Variants in RBPJ observed in about 807,000 individuals in gnomAD.
RBPJ encodes the protein recombination signal binding protein for immunoglobulin kappa J region, also known as recombining binding protein suppressor of hairless.
RBPJ carries 9 observed loss-of-function variants against 67.8 expected under a neutral mutation model. That is an observed-to-expected ratio of 0.13 (90% CI 0.08 to 0.23). The LOEUF (loss-of-function observed/expected upper bound fraction) is 0.23. Among genes scored for constraint, RBPJ ranks in the 10% least tolerant of loss-of-function variants. RBPJ has a pLI of 1.00. For synonymous variants in RBPJ, 198 were observed against 203.3 expected (o/e 0.97, Z 0.22); for missense variants, 305 against 595.6 (o/e 0.51, Z 5.08).
intron 1 of RBPJ, among the ~76,000 whole-genome samples, chr4:26,250,313 G>T (rs1720066724): frequency 6.7e-6 from 1 of 148,330 alleles, no homozygotes. Flanking sequence ...TTGTAGCATA[G>T]ATCAGACTCC....
intron 1 of RBPJ, among the ~76,000 whole-genome samples, chr4:26,256,659 T>C (rs2109244986): frequency 6.6e-6 from 1 of 152,278 alleles, no homozygotes; most frequent in African/African-American, 2.4e-5. Flanking sequence ...AGGAAATTTC[T>C]TCCATAGCTA....
intron 1 of RBPJ, among the ~76,000 whole-genome samples, chr4:26,191,581 C>A (rs562267941): frequency 6.6e-6 from 1 of 152,248 alleles, no homozygotes; most frequent in African/African-American, 2.4e-5. Flanking sequence ...GTGCAGGGAG[C>A]AAAGTCCAGA....
chr4:26,307,940 G>A (rs1198214751), intron 1 of RBPJ, among the ~76,000 whole-genome samples: 1 of 152,098 alleles, frequency 6.6e-6, no homozygotes, highest in African/African-American at 2.4e-5. Flanking sequence ...AGGATAATAC[G>A]AGTTATAATA....
intron 1 of RBPJ, among the ~76,000 whole-genome samples, chr4:26,341,631 A>AC (rs1560279076): frequency 1.3e-5 from 2 of 151,786 alleles, no homozygotes; most frequent in African/African-American, 4.9e-5. Flanking sequence ...AACAAAACAA[A>AC]ACAAAAAAAA....
chr4:26,202,705 C>A (rs1718021212), intron 1 of RBPJ, among the ~76,000 whole-genome samples: 1 of 151,934 alleles, frequency 6.6e-6, no homozygotes, highest in Admixed American at 6.6e-5. Context: ...GGCAGTAGTT[C>A]AAGACCAGCC....
chr4:26,283,480 G>C (rs1024997002), intron 1 of RBPJ, among the ~76,000 whole-genome samples: 5 of 151,224 alleles, frequency 3.3e-5, no homozygotes, highest in Non-Finnish European at 7.4e-5. Context: ...GGGAGGCGGA[G>C]GTTGAAGTGA....
Position 26,432,236 on chromosome 4 carries a change from T to C in RBPJ, c.*1229T>C, listed in dbSNP as rs936431167. ...AAGCATGTTTTATTATCTTTACTTT[T>C]TTGGGGGGTTGGAGGGGGTAGCCTA... On this transcript the variant is annotated 3_prime_UTR_variant, in exon 11 of 11. Coordinates refer to ENST00000355476, the MANE Select transcript of RBPJ (RefSeq NM_015874.6). The C allele has an allele frequency of 1.3e-5, 2 of 152,262 alleles. No homozygotes were observed. The highest frequency in any genetic ancestry group is 4.8e-5 in the African/African-American group (2 of 41,436). The allele number at this position is 152,262 out of a possible 1,614,324, so 9.4% of individuals were successfully genotyped here. A position where few individuals can be genotyped will look rare whatever the true frequency, so the allele number is the denominator to read the frequency against.
intron 1 of RBPJ, among the ~76,000 whole-genome samples, chr4:26,188,017 A>G (rs573426671): frequency 6.6e-6 from 1 of 152,178 alleles, no homozygotes; most frequent in East Asian, 1.9e-4. Context: ...ACAGAGCGAG[A>G]CTCTGTCTCA....
intron 1 of RBPJ, among the ~76,000 whole-genome samples, chr4:26,178,126 T>C (rs1178070387): frequency 6.6e-6 from 1 of 152,226 alleles, no homozygotes; most frequent in Non-Finnish European, 1.5e-5. Flanking sequence ...TATCAGACCA[T>C]TGGCACATGG....
At chr4:26,313,003 G>A (rs1275114087) in intron 1 of RBPJ, among the ~76,000 whole-genome samples, 1 of 152,144 alleles carries the variant, frequency 6.6e-6, no homozygotes, top group Non-Finnish European at 1.5e-5. Flanking sequence ...GCTCATTGCA[G>A]CCTCAACTTC....
chr4:26,308,170 G>A lies in RBPJ; in HGVS notation c.-166-54276G>A, dbSNP rs10015766. Among the ~76,000 whole-genome samples, 1,266 of 152,298 alleles carry A rather than the reference G, an allele frequency of 8.3e-3. 16 individuals are homozygous for A. The highest frequency in any genetic ancestry group is 0.029 in the African/African-American group (1,186 of 41,556). On this transcript the variant is annotated intron_variant, in intron 1 of 4. Coordinates refer to the RBPJ transcript ENST00000512351. The stretch of plus-strand genomic sequence containing the variant: ...GGGCGCCTGTAGTCCCAGCTAGTCG[G>A]GAGGCTGAGGCGGGAGAATGGCGTG...
intron 2 of RBPJ, among the ~76,000 whole-genome samples, chr4:26,405,145 G>A (rs578069472): frequency 6.6e-5 from 10 of 152,274 alleles, no homozygotes; most frequent in Admixed American, 6.5e-5. Flanking sequence ...CCTGTGGTAG[G>A]GAGGTGTTAT....
At chr4:26,316,655 GATAT>G (rs200406295), upstream of RBPJ, among the ~76,000 whole-genome samples, 41 of 110,128 alleles carry the variant, frequency 3.7e-4, no homozygotes, top group African/African-American at 8.9e-4. Flanking sequence ...TACACATATT[GATAT>G]ATATATATAT....
the RBPJ span, among the ~76,000 whole-genome samples, chr4:26,147,924 C>T: frequency 6.6e-6 from 1 of 152,138 alleles, no homozygotes; most frequent in African/African-American, 2.4e-5. Context: ...TCCTGACCAG[C>T]GCATCAACAT....
intron 1 of RBPJ, among the ~76,000 whole-genome samples, chr4:26,195,805 AG>A (rs1278808157): frequency 6.6e-6 from 1 of 152,164 alleles, no homozygotes; most frequent in Non-Finnish European, 1.5e-5. Context: ...CATGTTGGTC[AG>A]GCTGGTCTTG....
At chr4:26,139,381 C>T in the RBPJ span, among the ~76,000 whole-genome samples, 3 of 152,228 alleles carry the variant, frequency 2.0e-5, no homozygotes, top group Non-Finnish European at 4.4e-5. Context: ...GGGTTGGGTA[C>T]TGGGGCAGGG....
intron 1 of RBPJ, among the ~76,000 whole-genome samples, chr4:26,242,705 TAAAA>T (rs1025631996): frequency 1.0e-5 from 1 of 100,410 alleles, no homozygotes; most frequent in Non-Finnish European, 2.0e-5. Context: ...CACTCATAGT[TAAAA>T]AAAAAAAAAA....
intron 1 of RBPJ, among the ~76,000 whole-genome samples, chr4:26,221,988 C>G (rs1718924635): frequency 6.6e-6 from 1 of 152,050 alleles, no homozygotes; most frequent in Non-Finnish European, 1.5e-5. Context: ...CTGAGAGGTG[C>G]TAATGGGTAG....
At chr4:26,223,224 T>C (rs1160813260) in intron 1 of RBPJ, among the ~76,000 whole-genome samples, 1 of 151,928 alleles carries the variant, frequency 6.6e-6, no homozygotes, top group Non-Finnish European at 1.5e-5. Context: ...TGAGGAGCAC[T>C]CTTTGAGACT....
Sources: gnomAD v4.1 joint callset for allele counts (sites outside exome capture counted in the v4.1 genomes callset) on GRCh38, gnomAD v4.1.1 for gene constraint, MANE v1.5 for transcripts, NCBI Gene and HGNC (gene_info 2026-07-23, HGNC 2026-07-21) for gene names.